The following PTPRT variants were observed in gnomAD, a reference collection of about 807,000 sequenced individuals.
The protein encoded by PTPRT is receptor-type tyrosine-protein phosphatase T.
In PTPRT, 56 loss-of-function variants were observed where a neutral mutation model predicts 176.8. That is an observed-to-expected ratio of 0.32 (90% CI 0.26 to 0.40). PTPRT has a LOEUF of 0.40. Ranked by LOEUF, PTPRT falls within the 10% of genes least tolerant of loss-of-function variation. The pLI is 1.00. For synonymous variants in PTPRT, 783 were observed against 739.0 expected (o/e 1.06, Z -0.96); for missense variants, 1,540 against 1,908.2 (o/e 0.81, Z 3.60).
intron 7 of PTPRT, among the ~76,000 whole-genome samples, chr20:42,496,958 G>A (rs1206082074): frequency 6.6e-6 from 1 of 152,072 alleles, no homozygotes; most frequent in Non-Finnish European, 1.5e-5. Flanking sequence ...CCACTTCATT[G>A]CCTGTGATGT....
intron 2 of PTPRT, among the ~76,000 whole-genome samples, chr20:42,834,937 G>A (rs1733186085): frequency 6.6e-6 from 1 of 152,236 alleles, no homozygotes; most frequent in South Asian, 2.1e-4. Flanking sequence ...AACATAAAAT[G>A]ATTATCTGCT....
chr20:42,592,779 TGAGGAC>T, intron 7 of PTPRT, among the ~76,000 whole-genome samples: 1 of 152,274 alleles, frequency 6.6e-6, no homozygotes, highest in Admixed American at 6.5e-5. Context: ...ATGAGGCCTC[TGAGGAC>T]TCCACCTAAC....
At chr20:43,013,401 T>A (rs1985224287) in intron 1 of PTPRT, among the ~76,000 whole-genome samples, 1 of 152,144 alleles carries the variant, frequency 6.6e-6, no homozygotes, top group Admixed American at 6.6e-5. Flanking sequence ...AAATATAAAA[T>A]CTGCCACCTC....
intron 6 of PTPRT, among the ~76,000 whole-genome samples, chr20:42,694,989 G>C (rs1000960208): frequency 2.0e-5 from 3 of 152,170 alleles, no homozygotes; most frequent in Non-Finnish European, 4.4e-5. Flanking sequence ...ATGGCCAGGC[G>C]GGGGTGGCTC....
intron 9 of PTPRT, among the ~76,000 whole-genome samples, chr20:42,387,620 C>T (rs1176920690): frequency 6.6e-6 from 1 of 152,068 alleles, no homozygotes; most frequent in Non-Finnish European, 1.5e-5. Context: ...GACTCCAACA[C>T]TTTTTAATCT....
rs1397520284 is a variant in PTPRT, at chr20:42,085,854, C to A, written c.3847-1G>T. ...TCTCAGGCCAGTACTGCATACAGAA[C>A]TGAGATAAGGAAAGAGGTCACAGAA... On this transcript the variant is annotated splice_acceptor_variant, in intron 27 of 30. Transcript: ENST00000373187. LOFTEE classifies it high-confidence loss of function. 1.9e-6 allele frequency: 3 copies of A among 1,611,488 alleles called. No homozygotes were observed. Among genetic ancestry groups the A allele is most frequent in the Middle Eastern group, 1.7e-4 (1 of 6,056 alleles).
At chr20:42,778,003 C>G (rs2077161753) in intron 4 of PTPRT, among the ~76,000 whole-genome samples, 1 of 152,148 alleles carries the variant, frequency 6.6e-6, no homozygotes. Flanking sequence ...TCACGCCTTC[C>G]TGAGTTATAT....
intron 7 of PTPRT, among the ~76,000 whole-genome samples, chr20:42,597,420 T>A (rs2073691156): frequency 6.6e-6 from 1 of 152,156 alleles, no homozygotes; most frequent in African/African-American, 2.4e-5. Context: ...CCCGCCCAAA[T>A]CTCATGTTTA....
intron 16 of PTPRT, among the ~76,000 whole-genome samples, chr20:42,170,225 T>G (rs1468914956): frequency 6.6e-6 from 1 of 152,232 alleles, no homozygotes; most frequent in African/African-American, 2.4e-5. Flanking sequence ...CATGGGCATC[T>G]CATTCAACCA....
intron 6 of PTPRT, among the ~76,000 whole-genome samples, chr20:42,713,168 C>A (rs948633746): frequency 6.6e-6 from 1 of 151,982 alleles, no homozygotes; most frequent in Non-Finnish European, 1.5e-5. Flanking sequence ...CACACACACA[C>A]ACACACACAC....
intron 7 of PTPRT, among the ~76,000 whole-genome samples, chr20:42,658,075 T>G (rs1276329093): frequency 1.3e-5 from 2 of 152,218 alleles, no homozygotes; most frequent in East Asian, 1.9e-4. Context: ...TAACTGATTC[T>G]TCTTATTGGA....
the PTPRT span, among the ~76,000 whole-genome samples, chr20:42,038,237 G>T: frequency 6.6e-6 from 1 of 152,178 alleles, no homozygotes; most frequent in East Asian, 1.9e-4. Flanking sequence ...TTATAAATAA[G>T]GAGATCGGCT....
rs879272793 is a variant in PTPRT at position 42,820,676 on chromosome 20, TAAA to T, written c.215-29213_215-29211del. Among the ~76,000 whole-genome samples, 7 of 151,578 alleles carry T rather than the reference TAAA, an allele frequency of 4.6e-5. No individual in the cohort carries two copies. The East Asian group carries it at 1.2e-3, about 25-fold the overall frequency. On this transcript the variant is annotated intron_variant, in intron 2 of 30. Transcript: ENST00000373187. ...CAAAATATATCACTAGTTAGACTAA[TAAA>T]GAAGAGGAGAAAGAAGAATCAAATA...
chr20:42,300,257 CAAAAAAAA>C (rs761176814), intron 12 of PTPRT, among the ~76,000 whole-genome samples: 8 of 49,618 alleles, frequency 1.6e-4, no homozygotes, highest in Admixed American at 6.9e-4. Context: ...AACTCCGTCT[CAAAAAAAA>C]AAAAAAAAAA....
chr20:42,620,311 G>T (rs1245806407), intron 7 of PTPRT, among the ~76,000 whole-genome samples: 1 of 149,156 alleles, frequency 6.7e-6, no homozygotes, highest in Non-Finnish European at 1.5e-5. Flanking sequence ...GAGATCTCCA[G>T]CTGCGTGCTG....
At chr20:42,782,165 T>C (rs1248134545) in intron 3 of PTPRT, among the ~76,000 whole-genome samples, 1 of 152,222 alleles carries the variant, frequency 6.6e-6, no homozygotes, top group Admixed American at 6.5e-5. Flanking sequence ...GATAACACTT[T>C]ATTCTTGTTA....
chr20:43,163,898 G>A (rs2014782268), intron 1 of PTPRT, among the ~76,000 whole-genome samples: 1 of 152,172 alleles, frequency 6.6e-6, no homozygotes, highest in Admixed American at 6.5e-5. Flanking sequence ...CTAAAAATGA[G>A]TTGCAAATTG....
intron 1 of PTPRT, among the ~76,000 whole-genome samples, chr20:43,134,346 T>A (rs1294386415): frequency 6.6e-6 from 1 of 152,062 alleles, no homozygotes; most frequent in Non-Finnish European, 1.5e-5. Context: ...GAAGAAAGAG[T>A]GCTGCTAGGT....
intron 7 of PTPRT, among the ~76,000 whole-genome samples, chr20:42,656,844 C>G (rs1042991979): frequency 6.6e-6 from 1 of 152,152 alleles, no homozygotes; most frequent in Admixed American, 6.5e-5. Flanking sequence ...TCTCTCACCC[C>G]CTTTTCACCT....
Sources: allele counts gnomAD v4.1 joint callset (sites outside exome capture counted in the v4.1 genomes callset), GRCh38; gene constraint gnomAD v4.1.1; transcripts MANE v1.5; gene names NCBI Gene and HGNC (gene_info 2026-07-23, HGNC 2026-07-21).